The following PTPRD variants were observed in gnomAD, a reference collection of about 807,000 sequenced individuals.
PTPRD encodes the protein protein tyrosine phosphatase receptor type D.
A neutral mutation model predicts 214.5 loss-of-function variants in PTPRD; 34 were observed. That is an observed-to-expected ratio of 0.16 (90% CI 0.12 to 0.21). PTPRD has a LOEUF of 0.21. Among genes scored for constraint, PTPRD ranks in the 10% least tolerant of loss-of-function variants. The probability of loss-of-function intolerance (pLI) is 1.00; values close to 1 mark genes in which losing one functional copy is unlikely to be tolerated. For missense variants in PTPRD, 2,545 were observed against 2,398.7 expected, an observed-to-expected ratio of 1.06 and a Z score of -1.27; for synonymous variants, 1,128 against 845.7, an observed-to-expected ratio of 1.33 and a Z score of -5.79.
chr9:8,997,592 G>C (rs2099401889), intron 11 of PTPRD, among the ~76,000 whole-genome samples: 1 of 151,906 alleles, frequency 6.6e-6, no homozygotes, highest in African/African-American at 2.4e-5. Flanking sequence ...GCACCTCCCT[G>C]TTCGCTGAAA....
At chr9:9,789,979 A>C (rs79018659) in intron 5 of PTPRD, among the ~76,000 whole-genome samples, 1 of 152,190 alleles carries the variant, frequency 6.6e-6, no homozygotes, top group African/African-American at 2.4e-5. Context: ...TATTTTATTT[A>C]TCTTTGTGAA....
intron 9 of PTPRD, among the ~76,000 whole-genome samples, chr9:9,264,169 C>A (rs541479547): frequency 3.8e-4 from 58 of 151,694 alleles, no homozygotes; most frequent in African/African-American, 1.2e-3. Context: ...TAATATGACA[C>A]CCCCAAAGGT....
chr9:8,742,258 T>C (rs2092108592), intron 11 of PTPRD, among the ~76,000 whole-genome samples: 1 of 152,178 alleles, frequency 6.6e-6, no homozygotes, highest in African/African-American at 2.4e-5. Flanking sequence ...AAACTGTATA[T>C]ATTATGCACA....
intron 7 of PTPRD, among the ~76,000 whole-genome samples, chr9:9,607,624 G>A (rs892628704): frequency 6.6e-6 from 1 of 152,030 alleles, no homozygotes; most frequent in African/African-American, 2.4e-5. Flanking sequence ...CGCCTGAGAG[G>A]AGAAGGTTTA....
At chr9:9,547,379 T>G (rs2079049841) in intron 8 of PTPRD, among the ~76,000 whole-genome samples, 2 of 152,086 alleles carry the variant, frequency 1.3e-5, no homozygotes, top group Admixed American at 1.3e-4. Context: ...CCCTTTTTAT[T>G]TAGGTTGCCA....
chr9:10,580,131 G>A (rs565355865), intron 2 of PTPRD, among the ~76,000 whole-genome samples: 41 of 152,228 alleles, frequency 2.7e-4, no homozygotes, highest in Non-Finnish European at 5.6e-4. Flanking sequence ...TTAAATTCAG[G>A]AGAACCTAGC....
chr9:10,554,800 A>G (rs1283846793), intron 2 of PTPRD, among the ~76,000 whole-genome samples: 1 of 152,054 alleles, frequency 6.6e-6, no homozygotes, highest in Non-Finnish European at 1.5e-5. Flanking sequence ...AGCTGGGACT[A>G]CAGGCGCCCG....
chr9:8,342,974 C>A (rs1039706171), intron 39 of PTPRD, among the ~76,000 whole-genome samples: 2 of 152,012 alleles, frequency 1.3e-5, no homozygotes, highest in African/African-American at 4.8e-5. Context: ...CTTTGGTAAT[C>A]ACACTGCTGG....
At chr9:10,484,709 C>T (rs1365301230) in intron 2 of PTPRD, among the ~76,000 whole-genome samples, 1 of 151,824 alleles carries the variant, frequency 6.6e-6, no homozygotes, top group African/African-American at 2.4e-5. Flanking sequence ...CATTTTTAGT[C>T]AGATTATTAT....
At chr9:10,602,802 G>C (rs1248449474) in intron 2 of PTPRD, among the ~76,000 whole-genome samples, 1 of 151,590 alleles carries the variant, frequency 6.6e-6, no homozygotes, top group Non-Finnish European at 1.5e-5. Context: ...ATTTTATCTT[G>C]CATCAGTTAA....
chr9:10,320,109 T>C (rs2096527508), intron 3 of PTPRD, among the ~76,000 whole-genome samples: 1 of 152,046 alleles, frequency 6.6e-6, no homozygotes, highest in African/African-American at 2.4e-5. Context: ...TGTTCTAAAC[T>C]CTTGACTTTT....
rs1588362004 is a variant in PTPRD at position 8,934,473 on chromosome 9, A to T, written c.-104+84224T>A. On this transcript the variant is annotated intron_variant, in intron 11 of 45. Transcript: ENST00000381196. ...AATTTATATATATATAAATATATAT[A>T]TATAAATATATATATATATAAATAT... Among the ~76,000 whole-genome samples the T allele has an allele frequency of 8.0e-4, 10 of 12,496 alleles. No individual in the cohort carries two copies. In the South Asian group the frequency reaches 0.022, roughly 27 times the overall value. The allele number at this position is 12,496 out of a possible 152,430, so 8.2% of individuals were successfully genotyped here. A position where few individuals can be genotyped will look rare whatever the true frequency, so the allele number is the denominator to read the frequency against.
chr9:9,576,918 T>G (rs896474433), intron 7 of PTPRD, among the ~76,000 whole-genome samples: 7 of 152,148 alleles, frequency 4.6e-5, no homozygotes, highest in Non-Finnish European at 5.9e-5. Flanking sequence ...AAAAATCACA[T>G]AAAGAGATTT....
chr9:8,670,911 G>A (rs1025886437), intron 12 of PTPRD, among the ~76,000 whole-genome samples: 1 of 152,178 alleles, frequency 6.6e-6, no homozygotes, highest in African/African-American at 2.4e-5. Flanking sequence ...AGTTTTTCCG[G>A]AGGAAGACAG....
rs201112247 is a variant in PTPRD, at chr9:8,526,270, GA to G, written c.568+356del. Among the ~76,000 whole-genome samples, 138 of 86,932 alleles carry G rather than the reference GA, an allele frequency of 1.6e-3. No individual in the cohort carries two copies. The Middle Eastern group carries it at 0.037, about 24-fold the overall frequency. The allele number at this position is 86,932 out of a possible 152,430, so 57.0% of individuals were successfully genotyped here. A position where few individuals can be genotyped will look rare whatever the true frequency, so the allele number is the denominator to read the frequency against. ...TTGGACAAAAAAAAAGGAAAAAGAAGAAAAAAAAAAAGAAAAAGGAAAAAGG... is the reference window on the plus strand; with the variant it reads ...TTGGACAAAAAAAAAGGAAAAAGAAGAAAAAAAAAAGAAAAAGGAAAAAGG... On this transcript the variant is annotated intron_variant, in intron 17 of 45. Coordinates refer to ENST00000381196, the MANE Select transcript of PTPRD (RefSeq NM_002839.4).
chr9:8,417,211 T>C (rs192286342), intron 35 of PTPRD, among the ~76,000 whole-genome samples: 174 of 152,208 alleles, frequency 1.1e-3, no homozygotes, highest in African/African-American at 4.1e-3. Flanking sequence ...TCCTATCAAA[T>C]CCAAAAGAGT....
rs185840328 is a variant in PTPRD at position 10,285,830 on chromosome 9, C to T, written c.-545+55133G>A. ...TTCACCGTGTTAGCCAGGATGGTTT[C>T]GATCTCCTGACCTCGCGATCCGCCC... On this transcript the variant is annotated intron_variant, in intron 3 of 45. Transcript: ENST00000381196. Among the ~76,000 whole-genome samples, 149 of 151,908 alleles carry T rather than the reference C, an allele frequency of 9.8e-4. 1 individual carries two copies. The highest frequency in any genetic ancestry group is 2.1e-4 in the Non-Finnish European group (14 of 67,952).
intron 3 of PTPRD, among the ~76,000 whole-genome samples, chr9:10,125,600 G>A (rs892371993): frequency 2.7e-4 from 41 of 149,912 alleles, no homozygotes; most frequent in Admixed American, 6.7e-4. Flanking sequence ...GATTACAGGC[G>A]TGCGCTACCA....
At chr9:9,896,158 A>G (rs1381508171) in intron 5 of PTPRD, among the ~76,000 whole-genome samples, 1 of 152,082 alleles carries the variant, frequency 6.6e-6, no homozygotes, top group Non-Finnish European at 1.5e-5. Flanking sequence ...ACACACAACC[A>G]TACACACATA....
Sources: allele counts gnomAD v4.1 joint callset (sites outside exome capture counted in the v4.1 genomes callset), GRCh38; gene constraint gnomAD v4.1.1; transcripts MANE v1.5; gene names NCBI Gene and HGNC (gene_info 2026-07-23, HGNC 2026-07-21).